MAN1B1: variants seen among roughly 807,000 people sequenced by gnomAD.
The protein encoded by MAN1B1 is mannosidase alpha class 1B member 1, also known as endoplasmic reticulum mannosyl-oligosaccharide 1,2-alpha-mannosidase.
MAN1B1 carries 66 observed loss-of-function variants against 75.5 expected under a neutral mutation model. The observed-to-expected ratio is 0.87, with a 90% confidence interval of 0.72 to 1.07. The LOEUF (loss-of-function observed/expected upper bound fraction) is 1.07, where lower values mean the gene tolerates loss of function less well. Among genes scored for constraint, MAN1B1 ranks in the 50% least tolerant of loss-of-function variants. MAN1B1 has a pLI of 0.00. For missense variants in MAN1B1, 973 were observed against 912.5 expected, an observed-to-expected ratio of 1.07 and a Z score of -0.85; for synonymous variants, 453 against 382.8, an observed-to-expected ratio of 1.18 and a Z score of -2.14.
rs761658941 is a variant in MAN1B1 at position 137,097,865 on chromosome 9, G to A, written c.658G>A (p.Glu220Lys). The A allele has an allele frequency of 3.1e-5, 48 of 1,558,662 alleles. No individual in the cohort carries two copies. Among genetic ancestry groups the A allele is most frequent in the African/African-American group, 1.6e-4 (12 of 73,348 alleles). The change falls in exon 5 of 13, where the codon GAG becomes AAG. Residue 220 changes from glutamate to lysine, a missense_variant. Coordinates refer to ENST00000371589, the MANE Select transcript of MAN1B1 (RefSeq NM_016219.5). ...GGTGATCGAGCCTGAGCAGGGCACC[G>A]AGCTCCCTTCAAGAAGAGCAGAAGT... ...GAVIEPEQGT[E>K]LPSRRAEVPT...
chr9:137,100,864 C>T lies in MAN1B1; in HGVS notation c.917-141C>T. On this transcript the variant is annotated intron_variant, in intron 6 of 12. Coordinates refer to ENST00000371589, the MANE Select transcript of MAN1B1 (RefSeq NM_016219.5). ...CTAACTCCTGGGCTCAAGCAATCCA[C>T]TTGCCTCAGCCTCCCAAAGTGCTGG... 4.4e-6 allele frequency: 4 copies of T among 903,278 alleles called. No individual in the cohort carries two copies. In the South Asian group the frequency reaches 5.6e-5, roughly 13 times the overall value. 56.0% of individuals were successfully genotyped at this position (903,278 alleles called of 1,614,324 possible).
In MAN1B1 at chr9:137,088,083, G is replaced by A; in HGVS notation, c.228G>A (p.Lys76=). 1.2e-6 allele frequency: 2 copies of A among 1,613,678 alleles called. No homozygotes were observed. The highest frequency in any genetic ancestry group is 8.5e-7 in the Non-Finnish European group (1 of 1,179,556). The change falls in exon 2 of 13, where the codon AAG becomes AAA. Residue 76 remains lysine (K), a synonymous_variant. Transcript: ENST00000371589. ...CTCTGTACCTCCCTTAGAAATGGAA[G>A]CAACTGTCGAGATTGCAGCGGAATA... is the stretch of plus-strand genomic sequence containing the variant. ...WRRRSCWRKW[K]QLSRLQRNMI... is the part of the protein sequence containing the mutation.
At chr9:137,103,062 G>A in intron 8 of MAN1B1, 1 of 450,138 alleles carries the variant, frequency 2.2e-6, no homozygotes, top group Non-Finnish European at 4.4e-6. Flanking sequence ...GTGCAGGTTG[G>A]TGTTACACAC....
chr9:137,103,193 C>G lies in MAN1B1; in HGVS notation c.1254+1521C>G, dbSNP rs1453640199. ...CAGGTCGGTGGTACACACATTCACA[C>G]TGTTGCAGGCGTGCAGGTCGGTGGT... On this transcript the variant is annotated intron_variant, in intron 8 of 12. Transcript: ENST00000371589. The G allele has an allele frequency of 2.9e-5, 12 of 408,444 alleles. No individual in the cohort carries two copies. In the African/African-American group the frequency reaches 3.5e-4, roughly 12 times the overall value. The allele number at this position is 408,444 out of a possible 1,614,324, so 25.3% of individuals were successfully genotyped here.
chr9:137,096,407 C>CA lies in MAN1B1; in HGVS notation c.620+17dup. The CA allele has an allele frequency of 1.2e-6, 2 of 1,612,620 alleles. No individual in the cohort carries two copies. The highest frequency in any genetic ancestry group is 1.7e-6 in the Non-Finnish European group (2 of 1,179,548). Reference sequence around the variant, plus strand: ...CAGTCATCAGGTACAGAGCGCAGGGCAGGCTGCACGCCGCCGCTCAGGGCT... The same window carrying CA: ...CAGTCATCAGGTACAGAGCGCAGGGCAAGGCTGCACGCCGCCGCTCAGGGCT... On this transcript the variant is annotated intron_variant, in intron 4 of 12. Transcript: ENST00000371589.
chr9:137,108,340 G>C, intron 12 of MAN1B1, 48 bp from the exon 13 acceptor site: 1 of 1,493,036 alleles, frequency 6.7e-7, no homozygotes, highest in South Asian at 1.1e-5. Flanking sequence ...GGCTGAGGGG[G>C]GTGCAGGGTG....
At chr9:137,104,109 C>G (rs1170227559) in intron 8 of MAN1B1, 4 of 455,910 alleles carry the variant, frequency 8.8e-6, no homozygotes, top group African/African-American at 8.0e-5. Flanking sequence ...AAAACTGAAG[C>G]TCTCCCATCA....
At chr9:137,104,596 T>C (rs140934793) in intron 8 of MAN1B1, 178 of 170,852 alleles carry the variant, frequency 1.0e-3, no homozygotes, top group African/African-American at 3.8e-3. Flanking sequence ...CGAAAGATGC[T>C]TCAGAGATTC....
At chr9:137,106,392 C>T in intron 9 of MAN1B1, 77 bp downstream of exon 9, 4 of 1,331,096 alleles carry the variant, frequency 3.0e-6, no homozygotes, top group Non-Finnish European at 3.1e-6. Flanking sequence ...GCCCCCAGCT[C>T]CCACGGCCCC....
At chr9:137,105,071 T>G (rs2060663135) in intron 8 of MAN1B1, 1 of 152,378 alleles carries the variant, frequency 6.6e-6, no homozygotes, top group Non-Finnish European at 1.5e-5. Context: ...GCCAGGATGG[T>G]CTGGAACTGA....
intron 9 of MAN1B1, 174 bp from the exon 10 acceptor site, chr9:137,106,515 G>T (rs985488715): frequency 2.7e-6 from 3 of 1,109,438 alleles, no homozygotes; most frequent in Admixed American, 4.0e-5. Flanking sequence ...TGGCCTCTGG[G>T]GGGGTGAGGG....
At chr9:137,097,971 C>A (rs188926487) in intron 5 of MAN1B1, 34 bp downstream of exon 5, 1 of 1,485,498 alleles carries the variant, frequency 6.7e-7, no homozygotes, top group Non-Finnish European at 9.2e-7. Flanking sequence ...CCTCCCCGGG[C>A]GCTCAGGGGC....
intron 3 of MAN1B1, among the ~76,000 whole-genome samples, chr9:137,095,127 G>T (rs1039297315): frequency 6.6e-6 from 1 of 152,188 alleles, no homozygotes; most frequent in South Asian, 2.1e-4. Flanking sequence ...GGTGGAGGTT[G>T]CAGTGAGCCA....
Position 137,107,110 on chromosome 9 carries a change from A to G in MAN1B1, c.1567-140A>G, listed in dbSNP as rs1381431114. 4 of 928,850 alleles carry G rather than the reference A, an allele frequency of 4.3e-6. No homozygotes were observed. The African/African-American group carries it at 5.0e-5, about 12-fold the overall frequency. 57.5% of individuals were successfully genotyped at this position (928,850 alleles called of 1,614,324 possible). A position where few individuals can be genotyped will look rare whatever the true frequency, so the allele number is the denominator to read the frequency against. ...CTGGTCCAGGCAGCTCCGCTGTTCC[A>G]TGCCAAGTGCCCTCGCGTGGCCTCC... On this transcript the variant is annotated intron_variant, in intron 10 of 12. Coordinates refer to ENST00000371589, the MANE Select transcript of MAN1B1 (RefSeq NM_016219.5).
At chr9:137,105,346 G>C (rs996973145) in intron 8 of MAN1B1, 2 of 75,074 alleles carry the variant, frequency 2.7e-5, no homozygotes, top group African/African-American at 1.1e-4. Flanking sequence ...CCATCCACGT[G>C]AGGCTCCCAC....
rs565618763 is a variant in MAN1B1, at chr9:137,101,351, G to A, written c.1066-133G>A. The A allele has an allele frequency of 4.8e-4, 530 of 1,096,638 alleles. 5 individuals are homozygous for A. The South Asian group carries it at 6.4e-3, about 13-fold the overall frequency. The allele number at this position is 1,096,638 out of a possible 1,614,324, so 67.9% of individuals were successfully genotyped here. A position where few individuals can be genotyped will look rare whatever the true frequency, so the allele number is the denominator to read the frequency against. On this transcript the variant is annotated intron_variant, in intron 7 of 12. Coordinates refer to ENST00000371589, the MANE Select transcript of MAN1B1 (RefSeq NM_016219.5). ...CTTGTAGAGACATTCACTCAGTGCAGAGTGATGCCCGTTTCCTTGCTGCTG... is the reference window on the plus strand; with the variant it reads ...CTTGTAGAGACATTCACTCAGTGCAAAGTGATGCCCGTTTCCTTGCTGCTG...
chr9:137,105,693 G>T, intron 8 of MAN1B1: 1 of 346,564 alleles, frequency 2.9e-6, no homozygotes, highest in Non-Finnish European at 5.6e-6. Flanking sequence ...TCACCAGGAG[G>T]GCGTGGAGCC....
At chr9:137,088,818 C>T (rs1344387247) in intron 2 of MAN1B1, 51 bp from the exon 3 acceptor site, 1 of 1,607,050 alleles carries the variant, frequency 6.2e-7, no homozygotes, top group East Asian at 2.2e-5. Context: ...CAGTTTAAAT[C>T]TCTTGTAGGC....
At chr9:137,104,727 TGAG>T (rs1464665695) in intron 8 of MAN1B1, 18 of 158,208 alleles carry the variant, frequency 1.1e-4, no homozygotes, top group African/African-American at 3.8e-4. Flanking sequence ...CACGCCTGCC[TGAG>T]GCTGTGTTTT....
Sources: allele counts gnomAD v4.1 joint callset (sites outside exome capture counted in the v4.1 genomes callset), GRCh38; gene constraint gnomAD v4.1.1; transcripts MANE v1.5; gene names NCBI Gene and HGNC (gene_info 2026-07-23, HGNC 2026-07-21).